The following VPS50 variants were observed in gnomAD, a reference collection of about 807,000 sequenced individuals.
VPS50 encodes the protein syndetin.
VPS50 carries 70 observed loss-of-function variants against 139.7 expected under a neutral mutation model. The ratio of observed to expected loss-of-function variants is 0.50; its 90% CI spans 0.41 to 0.61. The LOEUF (loss-of-function observed/expected upper bound fraction) is 0.61. Among genes scored for constraint, VPS50 ranks in the 20% least tolerant of loss-of-function variants. The pLI is 0.00. For synonymous variants in VPS50, 365 were observed against 376.7 expected, an observed-to-expected ratio of 0.97 and a Z score of 0.36; for missense variants, 921 against 1,133.7, an observed-to-expected ratio of 0.81 and a Z score of 2.69.
chr7:93,242,567 C>G (rs1198294279), intron 2 of VPS50, among the ~76,000 whole-genome samples: 1 of 151,778 alleles, frequency 6.6e-6, no homozygotes, highest in South Asian at 2.1e-4. Flanking sequence ...TAGGGGAGTA[C>G]TCTTTGAACT....
At chr7:93,259,672 A>T (rs926111864) in intron 9 of VPS50, 40 bp downstream of exon 9, 2 of 1,004,408 alleles carry the variant, frequency 2.0e-6, no homozygotes, top group African/African-American at 1.6e-5. Context: ...TTCTGTTGTC[A>T]GCTTCTTATG....
In VPS50 at chr7:93,358,525, A is replaced by C; in HGVS notation, c.*89A>C. ...GTTTTTTTATGCACTTCTGACAACT[A>C]TCTGCTAAGAAAACTTTGTGCATGT... On this transcript the variant is annotated 3_prime_UTR_variant, in exon 28 of 28. Transcript: ENST00000305866. 1.9e-6 allele frequency: 2 copies of C among 1,045,016 alleles called. No homozygotes were observed. Among genetic ancestry groups the C allele is most frequent in the Non-Finnish European group, 2.8e-6 (2 of 702,446 alleles). The allele number at this position is 1,045,016 out of a possible 1,614,324, so 64.7% of individuals were successfully genotyped here. A position where few individuals can be genotyped will look rare whatever the true frequency, so the allele number is the denominator to read the frequency against.
intron 9 of VPS50, among the ~76,000 whole-genome samples, chr7:93,261,677 CAAAAAAAAAAAAAA>C (rs71107890): frequency 8.0e-5 from 5 of 62,196 alleles, no homozygotes; most frequent in Non-Finnish European, 1.6e-4. Context: ...GACTCCGTCT[CAAAAAAAAAAAAAA>C]AAAAAAAAGA....
At chr7:93,348,234 T>A (rs1006067334) in intron 23 of VPS50, among the ~76,000 whole-genome samples, 1 of 152,210 alleles carries the variant, frequency 6.6e-6, no homozygotes, top group Admixed American at 6.5e-5. Context: ...GCACCTGTCA[T>A]TCATCTGTGA....
chr7:93,291,607 T>C (rs1283637141), intron 12 of VPS50, 96 bp from the exon 13 acceptor site: 1 of 678,546 alleles, frequency 1.5e-6, no homozygotes, highest in Non-Finnish European at 2.2e-6. Flanking sequence ...CTTGGTTATT[T>C]CTAATTTTTG....
chr7:93,319,018 C>A (rs1797520008), intron 20 of VPS50, among the ~76,000 whole-genome samples: 1 of 152,166 alleles, frequency 6.6e-6, no homozygotes, highest in South Asian at 2.1e-4. Flanking sequence ...GCCCATTCCC[C>A]TGAATCCTAG....
chr7:93,296,472 T>G (rs1796813787), intron 14 of VPS50, among the ~76,000 whole-genome samples: 1 of 152,194 alleles, frequency 6.6e-6, no homozygotes, highest in African/African-American at 2.4e-5. Context: ...GAATTTCTGG[T>G]AATTCAGTGT....
Position 93,353,362 on chromosome 7 carries a change from T to C in VPS50, c.2464-278T>C, listed in dbSNP as rs922430571. Among the ~76,000 whole-genome samples, 5 of 152,196 alleles carry C rather than the reference T, an allele frequency of 3.3e-5. No homozygotes were observed. In the East Asian group the frequency reaches 9.6e-4, roughly 29 times the overall value. On this transcript the variant is annotated intron_variant, in intron 25 of 27. Coordinates refer to ENST00000305866, the MANE Select transcript of VPS50 (RefSeq NM_017667.4). ...GACAACCATAGAAAATTTTGAGATATTGGACATTGTTAACATTGTTTAATC... is the reference window on the plus strand; with the variant it reads ...GACAACCATAGAAAATTTTGAGATACTGGACATTGTTAACATTGTTTAATC...
In VPS50 at chr7:93,238,914, GT is replaced by G. The variant is rs1794897997; in HGVS notation, c.34-950del. On this transcript the variant is annotated intron_variant, in intron 1 of 27. Transcript: ENST00000305866. ...TTCTGGGGGTAATGGAAAACTTGCG[GT>G]TGAGGCAGAGCACTTTGTAATAAAA... is the stretch of plus-strand genomic sequence containing the variant. Among the ~76,000 whole-genome samples, 3 of 152,126 alleles carry G rather than the reference GT, an allele frequency of 2.0e-5. No homozygotes were observed. In the South Asian group the frequency reaches 6.2e-4, roughly 32 times the overall value.
intron 22 of VPS50, among the ~76,000 whole-genome samples, chr7:93,336,668 C>A (rs1452767784): frequency 6.6e-6 from 1 of 152,048 alleles, no homozygotes. Flanking sequence ...CTGTCACCAC[C>A]ACGCCCGGCT....
intron 21 of VPS50, among the ~76,000 whole-genome samples, chr7:93,324,023 A>T (rs1797694527): frequency 6.6e-6 from 1 of 152,178 alleles, no homozygotes. Context: ...GCTTTTTTTA[A>T]ATCTGGCTCC....
intron 20 of VPS50, chr7:93,323,165 AAAAT>A (rs1260776764): frequency 2.0e-5 from 3 of 152,138 alleles, no homozygotes; most frequent in East Asian, 1.9e-4. Flanking sequence ...AAGCTTATGA[AAAAT>A]AAATATTTTC....
At chr7:93,343,274 G>A (rs529058972) in intron 23 of VPS50, among the ~76,000 whole-genome samples, 6,926 of 152,164 alleles carry the variant, frequency 0.046, 558 homozygotes, top group African/African-American at 0.16. Context: ...GAGAAGGGAA[G>A]TTTAGAGAAA....
chr7:93,341,209 G>A (rs957721810), intron 22 of VPS50, among the ~76,000 whole-genome samples: 2 of 152,012 alleles, frequency 1.3e-5, no homozygotes, highest in Admixed American at 6.6e-5. Context: ...ATGGTAGCAT[G>A]TAGAGTTGGA....
Position 93,308,828 on chromosome 7 carries a change from A to C in VPS50, c.1634A>C (p.Glu545Ala), listed in dbSNP as rs751546009. The change falls in exon 19 of 28, where the codon GAA becomes GCA. Residue 545 changes from glutamate (E) to alanine (A), a missense_variant. Glu to Ala is a moderately radical substitution (Grantham distance 107, BLOSUM62 -1). Around this residue, in one of 3 missense-constraint regions of VPS50, gnomAD observed 744 missense variants for 930.6 expected, o/e 0.80. Coordinates refer to ENST00000305866, the MANE Select transcript of VPS50 (RefSeq NM_017667.4). ...AATAACCTGTGTTTTCTTCAGTATGAATCTGATGAACAAGAAAAGAGTGCC... is the reference window on the plus strand; with the variant it reads ...AATAACCTGTGTTTTCTTCAGTATGCATCTGATGAACAAGAAAAGAGTGCC... ...TEDVLASNGY[E>A]SDEQEKSAYQ... 18 of 1,572,750 alleles carry C rather than the reference A, an allele frequency of 1.1e-5. No individual in the cohort carries two copies. In the Admixed American group the frequency reaches 2.4e-4, roughly 21 times the overall value.
intron 12 of VPS50, among the ~76,000 whole-genome samples, chr7:93,285,032 GT>G (rs1796442341): frequency 6.6e-6 from 1 of 152,170 alleles, no homozygotes; most frequent in African/African-American, 2.4e-5. Flanking sequence ...CCTGGGCCTG[GT>G]GCTGTTTTGA....
At chr7:93,348,259 A>G (rs1016139661) in intron 23 of VPS50, among the ~76,000 whole-genome samples, 9 of 152,232 alleles carry the variant, frequency 5.9e-5, no homozygotes, top group Non-Finnish European at 1.3e-4. Context: ...CAGCCAAGTT[A>G]CAGTCTGCTG....
intron 9 of VPS50, among the ~76,000 whole-genome samples, chr7:93,268,355 A>T (rs1162794509): frequency 6.6e-6 from 1 of 152,142 alleles, no homozygotes; most frequent in African/African-American, 2.4e-5. Flanking sequence ...TTCCGGGTAC[A>T]TGTGCAGGAT....
chr7:93,324,466 A>C (rs1339575467), intron 21 of VPS50, among the ~76,000 whole-genome samples: 2 of 152,222 alleles, frequency 1.3e-5, no homozygotes, highest in Non-Finnish European at 2.9e-5. Flanking sequence ...CATCCCGTGA[A>C]TACCTAATTT....
Sources: gnomAD v4.1 joint callset for allele counts (sites outside exome capture counted in the v4.1 genomes callset) on GRCh38, gnomAD v4.1.1 for gene constraint, gnomAD v4.1.1 regional missense constraint, MANE v1.5 for transcripts, NCBI Gene and HGNC (gene_info 2026-07-23, HGNC 2026-07-21) for gene names.